Variants in HLA-DQA2 observed in about 807,000 individuals in gnomAD.
HLA-DQA2 encodes the protein major histocompatibility complex, class II, DQ alpha 2, also known as HLA class II histocompatibility antigen, DQ alpha 2 chain.
HLA-DQA2 carries 17 observed loss-of-function variants against 21.0 expected under a neutral mutation model. That is an observed-to-expected ratio of 0.81 (90% confidence interval 0.56 to 1.22). The LOEUF (loss-of-function observed/expected upper bound fraction) is 1.22, where lower values mean the gene tolerates loss of function less well. HLA-DQA2 is among the 50% of genes most tolerant of loss of function. The probability of loss-of-function intolerance (pLI) is 0.00; values close to 1 mark genes in which losing one functional copy is unlikely to be tolerated. For synonymous variants in HLA-DQA2, 81 were observed against 116.5 expected, an observed-to-expected ratio of 0.70 and a Z score of 1.96; for missense variants, 239 against 308.8, an observed-to-expected ratio of 0.77 and a Z score of 1.69.
chr6:32,741,968 T>A (rs141741917), intron 1 of HLA-DQA2, among the ~76,000 whole-genome samples: 1 of 152,280 alleles, frequency 6.6e-6, no homozygotes, highest in African/African-American at 2.4e-5. Context: ...TCTATAGATA[T>A]AAAGAAAGAG....
intron 2 of HLA-DQA2, 29 bp from the exon 3 acceptor site, chr6:32,745,762 T>G: frequency 6.2e-7 from 1 of 1,613,086 alleles, no homozygotes; most frequent in Non-Finnish European, 8.5e-7. Flanking sequence ...CTATTCACAC[T>G]TCACATCAGT....
chr6:32,746,476 T>G, intron 4 of HLA-DQA2, 62 bp downstream of exon 4: 1 of 1,517,454 alleles, frequency 6.6e-7, no homozygotes, highest in Non-Finnish European at 9.0e-7. Flanking sequence ...TGGGAGGGGG[T>G]TGTGGACATG....
At chr6:32,745,056 A>T in intron 1 of HLA-DQA2, 103 bp from the exon 2 acceptor site, 1 of 1,367,184 alleles carries the variant, frequency 7.3e-7, no homozygotes, top group Non-Finnish European at 1.0e-6. Context: ...TGTGCCAAAG[A>T]TGAAGCCCAT....
Position 32,746,915 on chromosome 6 carries a change from T to C in HLA-DQA2, c.*354T>C. The stretch of plus-strand genomic sequence containing the variant: ...ATGCCTCTATTGAATTTTTCCCATC[T>C]TTCATCTCAGGGCTGACTGAGAGCA... On this transcript the variant is annotated 3_prime_UTR_variant, in exon 5 of 5. Transcript: ENST00000374940. 2.9e-6 allele frequency: 1 copy of C among 340,688 alleles called. No individual in the cohort carries two copies. Among genetic ancestry groups the C allele is most frequent in the Non-Finnish European group, 5.8e-6 (1 of 172,578 alleles). 21.1% of individuals were successfully genotyped at this position (340,688 alleles called of 1,614,324 possible). A position where few individuals can be genotyped will look rare whatever the true frequency, so the allele number is the denominator to read the frequency against.
intron 2 of HLA-DQA2, 75 bp downstream of exon 2, chr6:32,745,482 A>C: frequency 6.8e-7 from 1 of 1,471,560 alleles, no homozygotes; most frequent in Non-Finnish European, 9.4e-7. Flanking sequence ...TCTTCTCAAG[A>C]GATTTCCAGA....
chr6:32,743,900 C>G (rs1426360150), intron 1 of HLA-DQA2, among the ~76,000 whole-genome samples: 2 of 143,860 alleles, frequency 1.4e-5, no homozygotes, highest in Non-Finnish European at 3.1e-5. Context: ...AAGTTGTTAA[C>G]TAAGTAGAAA....
intron 1 of HLA-DQA2, among the ~76,000 whole-genome samples, chr6:32,742,689 G>T (rs9469263): frequency 0.36 from 53,512 of 148,782 alleles, 9,063 homozygotes; most frequent in East Asian, 0.66. Flanking sequence ...TGGCTTTTTT[G>T]TTTCAAATTT....
Position 32,746,575 on chromosome 6 carries a change from G to A in HLA-DQA2, c.*21-7G>A. Reference sequence around the variant, plus strand: ...GACCCATCGATCTCATGTCTGTCCTGTTGCAGGTGCATCACCATCTACAGG... The same window carrying A: ...GACCCATCGATCTCATGTCTGTCCTATTGCAGGTGCATCACCATCTACAGG... On this transcript the variant is annotated splice_polypyrimidine_tract_variant and splice_region_variant and intron_variant, in intron 4 of 4. Coordinates refer to ENST00000374940, the MANE Select transcript of HLA-DQA2 (RefSeq NM_020056.5). 1.3e-6 allele frequency: 1 copy of A among 793,104 alleles called. No homozygotes were observed. The highest frequency in any genetic ancestry group is 1.5e-5 in the South Asian group (1 of 68,862). 49.1% of individuals were successfully genotyped at this position (793,104 alleles called of 1,614,324 possible).
intron 4 of HLA-DQA2, 54 bp from the exon 5 acceptor site, chr6:32,746,528 T>A (rs1763610369): frequency 1.6e-6 from 2 of 1,246,930 alleles, no homozygotes; most frequent in Non-Finnish European, 2.3e-6. Flanking sequence ...AGTGGCATGA[T>A]GATCACACAG....
chr6:32,741,588 G>T (rs1173158870), intron 1 of HLA-DQA2, 63 bp downstream of exon 1: 1 of 1,309,158 alleles, frequency 7.6e-7, no homozygotes, highest in Non-Finnish European at 1.0e-6. Context: ...GGAAAAGAGA[G>T]AGTGTAATTT....
Position 32,746,002 on chromosome 6 carries a change from T to A in HLA-DQA2, c.543T>A (p.Pro181=), listed in dbSNP as rs1344828411. 1.2e-6 allele frequency: 2 copies of A among 1,613,160 alleles called. No homozygotes were observed. The highest frequency in any genetic ancestry group is 8.5e-7 in the Non-Finnish European group (1 of 1,180,042). The change falls in exon 3 of 5, where the codon CCT becomes CCA. Residue 181 remains proline, a synonymous_variant. Transcript: ENST00000374940. ...FFKISYLTFL[P]SADEIYDCKV... ...AGATCAGTTACCTCACCTTCCTCCC[T>A]TCTGCTGATGAGATTTATGACTGCA...
chr6:32,745,015 G>A, intron 1 of HLA-DQA2, 144 bp from the exon 2 acceptor site: 1 of 911,830 alleles, frequency 1.1e-6, no homozygotes, highest in East Asian at 2.4e-5. Context: ...AGGCAAGGAG[G>A]AAGCAGGTGT....
Position 32,746,718 on chromosome 6 carries a change from A to G in HLA-DQA2, c.*157A>G. On this transcript the variant is annotated 3_prime_UTR_variant, in exon 5 of 5. Coordinates refer to ENST00000374940, the MANE Select transcript of HLA-DQA2 (RefSeq NM_020056.5). ...TCTTCTCTGGGACTTAAGGTGCTAT[A>G]TTCCCTCAGAGCTCACAAATGCCTT... 1.7e-6 allele frequency: 1 copy of G among 587,598 alleles called. No homozygotes were observed. Among genetic ancestry groups the G allele is most frequent in the Non-Finnish European group, 3.2e-6 (1 of 313,250 alleles). The allele number at this position is 587,598 out of a possible 1,614,324, so 36.4% of individuals were successfully genotyped here.
chr6:32,744,049 C>A (rs1763395336), intron 1 of HLA-DQA2, among the ~76,000 whole-genome samples: 1 of 152,144 alleles, frequency 6.6e-6, no homozygotes, highest in Non-Finnish European at 1.5e-5. Flanking sequence ...GAATGTCGGA[C>A]TGTAAGGCTG....
At chr6:32,745,678 C>T in intron 2 of HLA-DQA2, 113 bp from the exon 3 acceptor site, 3 of 1,383,830 alleles carry the variant, frequency 2.2e-6, no homozygotes, top group South Asian at 2.4e-5. Context: ...TAAATAAGAC[C>T]TCTTTGACTA....
intron 2 of HLA-DQA2, 25 bp from the exon 3 acceptor site, chr6:32,745,766 C>T: frequency 1.2e-6 from 2 of 1,613,026 alleles, no homozygotes; most frequent in South Asian, 1.1e-5. Flanking sequence ...TCACACTTCA[C>T]ATCAGTGCTG....
rs1254377540 is a variant in HLA-DQA2, at chr6:32,746,286, C to G, written c.660C>G (p.Val220=). 2 of 1,613,006 alleles carry G rather than the reference C, an allele frequency of 1.2e-6. No individual in the cohort carries two copies. The highest frequency in any genetic ancestry group is 2.7e-5 in the African/African-American group (2 of 74,936). The part of the protein sequence containing the change: ...APMSELTETL[V]CALGLSVGLM... ...TGTCAGAGCTCACAGAGACTTTGGTCTGCGCCCTGGGGTTGTCTGTGGGCC... is the reference window on the plus strand; with the variant it reads ...TGTCAGAGCTCACAGAGACTTTGGTGTGCGCCCTGGGGTTGTCTGTGGGCC... Residue 220 remains valine (V), a synonymous_variant, in exon 4 of 5, where the codon GTC becomes GTG. Coordinates refer to ENST00000374940, the MANE Select transcript of HLA-DQA2 (RefSeq NM_020056.5).
chr6:32,745,755 T>G (rs1763533422), intron 2 of HLA-DQA2, 36 bp from the exon 3 acceptor site: 1 of 1,612,226 alleles, frequency 6.2e-7, no homozygotes, highest in Non-Finnish European at 8.5e-7. Flanking sequence ...GGCAGAGCTA[T>G]TCACACTTCA....
rs777752936 is a variant in HLA-DQA2, at chr6:32,745,371, A to T, written c.295A>T (p.Met99Leu). ...MAVGKHTLEF[M>L]MRQSNSTAAT... ...TGTGGGAAAACACACCTTGGAATTC[A>T]TGATGAGACAGTCCAACTCTACCGC... The change falls in exon 2 of 5, where the codon ATG (methionine) becomes TTG (leucine). Residue 99 changes from methionine (M) to leucine (L), a missense_variant. Physicochemically the swap from Met to Leu is conservative, Grantham distance 15 (BLOSUM62 2). Transcript: ENST00000374940. 6.3e-7 allele frequency: 1 copy of T among 1,599,044 alleles called. No individual in the cohort carries two copies.
Sources: allele counts gnomAD v4.1 joint callset (sites outside exome capture counted in the v4.1 genomes callset), GRCh38; gene constraint gnomAD v4.1.1; transcripts MANE v1.5; gene names NCBI Gene and HGNC (gene_info 2026-07-23, HGNC 2026-07-21).